IL33: variants seen among roughly 807,000 people sequenced by gnomAD.
The protein encoded by IL33 is interleukin-33.
IL33 carries 37 observed loss-of-function variants against 27.3 expected under a neutral mutation model. The observed-to-expected ratio is 1.36, with a 90% CI of 1.04 to 1.78. IL33 has a LOEUF of 1.78. IL33 is among the 40% of genes most tolerant of loss of function. The probability of loss-of-function intolerance (pLI) is 0.00; values close to 1 mark genes in which losing one functional copy is unlikely to be tolerated. For synonymous variants in IL33, 132 were observed against 102.9 expected, an observed-to-expected ratio of 1.28 and a Z score of -1.71; for missense variants, 406 against 311.4, an observed-to-expected ratio of 1.30 and a Z score of -2.29.
chr9:6,252,056 C>CA (rs138991546), intron 4 of IL33, among the ~76,000 whole-genome samples: 79,047 of 114,318 alleles, frequency 0.69, 27,500 homozygotes, highest in South Asian at 0.82. Flanking sequence ...AACAAACAAA[C>CA]AAAAAAAAAC....
intron 1 of IL33, among the ~76,000 whole-genome samples, chr9:6,226,088 G>T (rs1464089912): frequency 6.6e-6 from 1 of 152,040 alleles, no homozygotes; most frequent in Non-Finnish European, 1.5e-5. Flanking sequence ...ACTCACTGCG[G>T]CCTCAAACTC....
chr9:6,234,942 A>G (rs1239126016), intron 1 of IL33, among the ~76,000 whole-genome samples: 1 of 152,210 alleles, frequency 6.6e-6, no homozygotes, highest in Non-Finnish European at 1.5e-5. Context: ...TCCCAACATA[A>G]CATGTGAAAC....
At chr9:6,248,471 G>A (rs1459084050) in intron 2 of IL33, among the ~76,000 whole-genome samples, 1 of 151,960 alleles carries the variant, frequency 6.6e-6, no homozygotes, top group Non-Finnish European at 1.5e-5. Flanking sequence ...TTTCCTCTCT[G>A]ACTTACTCAC....
chr9:6,228,943 TC>T (rs1234773545), intron 1 of IL33, among the ~76,000 whole-genome samples: 1 of 152,152 alleles, frequency 6.6e-6, no homozygotes, highest in African/African-American at 2.4e-5. Flanking sequence ...TGTGGACTTT[TC>T]TTTTCACTGT....
rs908219769 is a variant in IL33 at position 6,257,347 on chromosome 9, C to T, written c.*1179C>T. 1 of 152,444 alleles carries T rather than the reference C, an allele frequency of 6.6e-6. No homozygotes were observed. Among genetic ancestry groups the T allele is most frequent in the Non-Finnish European group, 1.5e-5 (1 of 68,014 alleles). 9.4% of individuals were successfully genotyped at this position (152,444 alleles called of 1,614,324 possible). The stretch of plus-strand genomic sequence containing the variant: ...TTTCATTTCTTTTAACTACCATGCC[C>T]TTGATATATCTTTTGCACCTGCTGA... On this transcript the variant is annotated 3_prime_UTR_variant, in exon 8 of 8. Transcript: ENST00000682010.
chr9:6,241,719 A>G lies in IL33; in HGVS notation c.25A>G (p.Thr9Ala). The G allele has an allele frequency of 6.2e-7, 1 of 1,611,558 alleles. No homozygotes were observed. The highest frequency in any genetic ancestry group is 8.5e-7 in the Non-Finnish European group (1 of 1,178,444). ...AATGAAGCCTAAAATGAAGTATTCAACCAACAAAATTTCCACAGCAAAGTG... is the reference window on the plus strand; with the variant it reads ...AATGAAGCCTAAAATGAAGTATTCAGCCAACAAAATTTCCACAGCAAAGTG... MKPKMKYS[T>A]NKISTAKWKN... Residue 9 changes from threonine (T) to alanine (A), a missense_variant, in exon 2 of 8, where the codon ACC becomes GCC. Transcript: ENST00000682010.
intron 7 of IL33, among the ~76,000 whole-genome samples, chr9:6,255,091 C>T (rs1252345238): frequency 6.6e-6 from 1 of 152,124 alleles, no homozygotes; most frequent in Non-Finnish European, 1.5e-5. Flanking sequence ...AACCTAACAT[C>T]TACATTCTGA....
At chr9:6,218,741 A>C (rs1280374260) in intron 1 of IL33, among the ~76,000 whole-genome samples, 1 of 128,736 alleles carries the variant, frequency 7.8e-6, no homozygotes, top group African/African-American at 2.9e-5. Context: ...ATATATATAT[A>C]TGTTCTCCAT....
rs533762562 is a variant in IL33 at position 6,248,753 on chromosome 9, A to T, written c.92-1721A>T. The stretch of plus-strand genomic sequence containing the variant: ...CCATGCCCAGCTACTTTTTTTTTTT[A>T]AATTTTTTGTAGAGACGGTCTTACT... On this transcript the variant is annotated intron_variant, in intron 2 of 7. Coordinates refer to ENST00000682010, the MANE Select transcript of IL33 (RefSeq NM_033439.4). Among the ~76,000 whole-genome samples, 835 of 150,598 alleles carry T rather than the reference A, an allele frequency of 5.5e-3. 11 individuals carry two copies. Among genetic ancestry groups the T allele is most frequent in the African/African-American group, 0.018 (735 of 41,060 alleles).
At chr9:6,242,945 G>C (rs148349214) in intron 2 of IL33, among the ~76,000 whole-genome samples, 96 of 152,336 alleles carry the variant, frequency 6.3e-4, no homozygotes, top group Non-Finnish European at 1.2e-3. Flanking sequence ...CACATAGGGG[G>C]AGAACAGAGG....
At chr9:6,253,267 C>A (rs538612281) in intron 5 of IL33, among the ~76,000 whole-genome samples, 6 of 152,178 alleles carry the variant, frequency 3.9e-5, no homozygotes, top group African/African-American at 1.4e-4. Flanking sequence ...TATTTGCTAT[C>A]TCTAAATTAT....
chr9:6,241,741 A>G lies in IL33; in HGVS notation c.47A>G (p.Lys16Arg), dbSNP rs1213823321. 1.9e-6 allele frequency: 3 copies of G among 1,612,236 alleles called. No individual in the cohort carries two copies. The highest frequency in any genetic ancestry group is 8.5e-7 in the Non-Finnish European group (1 of 1,178,878). ...KYSTNKISTAKWKNTASKALC... is the reference protein window; with the variant it reads ...KYSTNKISTARWKNTASKALC... The stretch of plus-strand genomic sequence containing the variant: ...TCAACCAACAAAATTTCCACAGCAA[A>G]GTGGAAGAACACAGCAAGCAAAGCC... The change falls in exon 2 of 8, where the codon AAG becomes AGG. Residue 16 changes from lysine (K) to arginine (R), a missense_variant. Lys to Arg is a conservative substitution (Grantham distance 26). Transcript: ENST00000682010.
At chr9:6,216,240 C>G (rs1157505) in intron 1 of IL33, among the ~76,000 whole-genome samples, 26,480 of 152,132 alleles carry the variant, frequency 0.17, 3,045 homozygotes, top group South Asian at 0.29. Context: ...AAGCAATCAT[C>G]CCATCTCAGC....
In IL33 at chr9:6,257,484, T is replaced by A. The variant is rs1816803745; in HGVS notation, c.*1316T>A. 6.6e-6 allele frequency: 1 copy of A among 152,644 alleles called. No individual in the cohort carries two copies. Among genetic ancestry groups the A allele is most frequent in the South Asian group, 2.1e-4 (1 of 4,834 alleles). The allele number at this position is 152,644 out of a possible 1,614,324, so 9.5% of individuals were successfully genotyped here. A position where few individuals can be genotyped will look rare whatever the true frequency, so the allele number is the denominator to read the frequency against. ...GGCAATATTTTTTTGCTAAACGTTT[T>A]TGTTTTTTACTGTCACTAGGGCAAT... On this transcript the variant is annotated 3_prime_UTR_variant, in exon 8 of 8. Coordinates refer to ENST00000682010, the MANE Select transcript of IL33 (RefSeq NM_033439.4).
intron 1 of IL33, among the ~76,000 whole-genome samples, chr9:6,232,627 T>G (rs1407464521): frequency 6.6e-6 from 1 of 152,166 alleles, no homozygotes; most frequent in African/African-American, 2.4e-5. Context: ...TTTTCTTGTG[T>G]GCACATTTCC....
rs1816829843 is a variant in IL33, at chr9:6,257,882, T to G, written c.*1714T>G. ...ATCCCATCTGAAAAACACTAATTAT[T>G]GACATGTGCATCTGTACAATAAACT... is the stretch of plus-strand genomic sequence containing the variant. On this transcript the variant is annotated 3_prime_UTR_variant, in exon 8 of 8. Transcript: ENST00000682010. The G allele has an allele frequency of 6.6e-6, 1 of 152,168 alleles. No individual in the cohort carries two copies. The highest frequency in any genetic ancestry group is 2.4e-5 in the African/African-American group (1 of 41,446). 9.4% of individuals were successfully genotyped at this position (152,168 alleles called of 1,614,324 possible). A position where few individuals can be genotyped will look rare whatever the true frequency, so the allele number is the denominator to read the frequency against.
rs1326787951 is a variant in IL33 at position 6,251,198 on chromosome 9, G to C, written c.276G>C (p.Glu92Asp). The change falls in exon 4 of 8, where the codon GAG (glutamate) becomes GAC (aspartate). Residue 92 changes from glutamate to aspartate, a missense_variant. Transcript: ENST00000682010. ...LAACQQQSTV[E>D]CFAFGISGVQ... ...CCTGTCAACAGCAGTCTACTGTGGA[G>C]TGCTTTGCCTTTGGTATATCAGGGG... The C allele has an allele frequency of 6.2e-7, 1 of 1,614,006 alleles. No homozygotes were observed. The highest frequency in any genetic ancestry group is 1.7e-5 in the Admixed American group (1 of 60,004).
At chr9:6,254,274 G>A (rs527787996) in intron 6 of IL33, among the ~76,000 whole-genome samples, 188 bp from the exon 7 acceptor site, 43 of 152,140 alleles carry the variant, frequency 2.8e-4, no homozygotes, top group South Asian at 1.0e-3. Context: ...ATTTCTCTCC[G>A]GTTTATAAGT....
intron 1 of IL33, among the ~76,000 whole-genome samples, chr9:6,239,852 C>G (rs1419001284): frequency 6.6e-6 from 1 of 152,130 alleles, no homozygotes; most frequent in East Asian, 1.9e-4. Flanking sequence ...GTTCCATGTT[C>G]ACCACTACTT....
Sources: allele counts gnomAD v4.1 joint callset (sites outside exome capture counted in the v4.1 genomes callset), GRCh38; gene constraint gnomAD v4.1.1; transcripts MANE v1.5; gene names NCBI Gene and HGNC (gene_info 2026-07-23, HGNC 2026-07-21).